Variants in WDR7 observed in about 807,000 individuals in gnomAD.
WDR7 encodes WD repeat-containing protein 7.
In WDR7, 46 loss-of-function variants were observed where a neutral mutation model predicts 169.4. The ratio of observed to expected loss-of-function variants is 0.27; its 90% CI spans 0.21 to 0.35. The LOEUF (loss-of-function observed/expected upper bound fraction) is 0.35, where lower values mean the gene tolerates loss of function less well. Among genes scored for constraint, WDR7 ranks in the 10% least tolerant of loss-of-function variants. WDR7 has a pLI of 1.00. For missense variants in WDR7, 1,534 were observed against 1,859.3 expected, an observed-to-expected ratio of 0.83 and a Z score of 3.22; for synonymous variants, 612 against 666.8, an observed-to-expected ratio of 0.92 and a Z score of 1.27.
At chr18:56,879,393 T>C (rs1230375995) in intron 20 of WDR7, among the ~76,000 whole-genome samples, 6 of 152,228 alleles carry the variant, frequency 3.9e-5, no homozygotes, top group African/African-American at 1.2e-4. Context: ...CATCTTTTCA[T>C]GTGCGTGTTG....
intron 20 of WDR7, chr18:56,873,383 G>A (rs1451773677): frequency 6.6e-6 from 1 of 152,186 alleles, no homozygotes; most frequent in African/African-American, 2.4e-5. Context: ...ATTTACAAAT[G>A]ATTGTTTGAA....
intron 18 of WDR7, among the ~76,000 whole-genome samples, chr18:56,780,641 CA>C (rs146641560): frequency 6.6e-6 from 1 of 150,926 alleles, no homozygotes; most frequent in East Asian, 1.9e-4. Flanking sequence ...ACTAAAAATA[CA>C]AAAAAAAATT....
chr18:56,665,565 G>C (rs1271557426), intron 1 of WDR7, among the ~76,000 whole-genome samples: 1 of 151,986 alleles, frequency 6.6e-6, no homozygotes, highest in Non-Finnish European at 1.5e-5. Flanking sequence ...GTATATTTTG[G>C]TGTTTGTTTT....
At chr18:56,762,827 C>A (rs1201811310) in intron 16 of WDR7, among the ~76,000 whole-genome samples, 2 of 150,900 alleles carry the variant, frequency 1.3e-5, no homozygotes, top group African/African-American at 4.9e-5. Flanking sequence ...TTTTTGTTTG[C>A]CATCCATATG....
intron 26 of WDR7, among the ~76,000 whole-genome samples, chr18:57,015,016 T>C (rs1945135311): frequency 6.6e-6 from 1 of 152,210 alleles, no homozygotes; most frequent in South Asian, 2.1e-4. Context: ...TGTTTTGGAT[T>C]TAGATTTGAT....
intron 20 of WDR7, among the ~76,000 whole-genome samples, chr18:56,841,152 C>CACCGCACT (rs987622881): frequency 1.3e-5 from 2 of 151,968 alleles, no homozygotes; most frequent in Non-Finnish European, 1.5e-5. Context: ...GAGATCGCAC[C>CACCGCACT]ACCGCACTCC....
At chr18:56,894,636 A>G (rs747025027) in intron 21 of WDR7, among the ~76,000 whole-genome samples, 3 of 152,038 alleles carry the variant, frequency 2.0e-5, no homozygotes, top group Non-Finnish European at 4.4e-5. Context: ...AACATCCTAT[A>G]TATAATTTAC....
chr18:56,999,921 G>A (rs1471722348), intron 26 of WDR7, among the ~76,000 whole-genome samples: 3 of 152,058 alleles, frequency 2.0e-5, no homozygotes, highest in Admixed American at 6.5e-5. Flanking sequence ...ACCGCTATGA[G>A]CTTCTCCTGT....
chr18:56,782,344 T>G (rs2044329825), intron 19 of WDR7, among the ~76,000 whole-genome samples: 1 of 152,160 alleles, frequency 6.6e-6, no homozygotes, highest in African/African-American at 2.4e-5. Flanking sequence ...GTTTTATATT[T>G]TTCTAAAAAC....
At chr18:57,026,677 A>G (rs1340190365) in intron 27 of WDR7, among the ~76,000 whole-genome samples, 1 of 152,214 alleles carries the variant, frequency 6.6e-6, no homozygotes, top group African/African-American at 2.4e-5. Context: ...TCAGTTTTAA[A>G]TATCCACAAT....
In WDR7 at chr18:56,682,766, A is replaced by G. The variant is rs746864059; in HGVS notation, c.433A>G (p.Ser145Gly). The G allele has an allele frequency of 1.2e-6, 2 of 1,613,880 alleles. No homozygotes were observed. Among genetic ancestry groups the G allele is most frequent in the Non-Finnish European group, 8.5e-7 (1 of 1,179,800 alleles). ...TGAAATCCTTGTTGTGGATGCTACC[A>G]GCCTTGAAGTATTATACTCCTTAGT... is the stretch of plus-strand genomic sequence containing the variant. ...YPEILVVDAT[S>G]LEVLYSLVSK... Residue 145 changes from serine (S) to glycine (G), a missense_variant, in exon 5 of 28, where the codon AGC becomes GGC. Transcript: ENST00000254442.
intron 26 of WDR7, among the ~76,000 whole-genome samples, chr18:57,013,667 T>C (rs1232800516): frequency 6.6e-6 from 1 of 152,108 alleles, no homozygotes; most frequent in African/African-American, 2.4e-5. Context: ...GGGTGCAAAA[T>C]GAGTACTAAT....
chr18:57,021,648 T>G (rs2048294273), intron 27 of WDR7, among the ~76,000 whole-genome samples: 1 of 152,236 alleles, frequency 6.6e-6, no homozygotes, highest in South Asian at 2.1e-4. Context: ...TGTTTGATCC[T>G]CACTGCTTAA....
At chr18:56,730,485 G>C (rs2026558675) in intron 13 of WDR7, among the ~76,000 whole-genome samples, 1 of 152,192 alleles carries the variant, frequency 6.6e-6, no homozygotes, top group Admixed American at 6.5e-5. Flanking sequence ...AGTAGTTGTA[G>C]GCCGGGCGTG....
intron 25 of WDR7, among the ~76,000 whole-genome samples, chr18:56,951,726 C>A (rs977638875): frequency 3.3e-5 from 5 of 152,020 alleles, no homozygotes; most frequent in African/African-American, 1.2e-4. Flanking sequence ...TATACACATG[C>A]ACATATACAT....
chr18:56,861,515 G>C (rs910659345), intron 20 of WDR7, among the ~76,000 whole-genome samples: 2 of 152,304 alleles, frequency 1.3e-5, no homozygotes. Context: ...TATCACACCA[G>C]GTTAACTCTC....
chr18:56,706,594 T>C (rs766483244), intron 12 of WDR7, among the ~76,000 whole-genome samples: 3 of 152,262 alleles, frequency 2.0e-5, no homozygotes, highest in Non-Finnish European at 4.4e-5. Context: ...TTTTCAGTTA[T>C]CTACATTGTC....
chr18:56,661,078 T>A (rs2024894724), intron 1 of WDR7, among the ~76,000 whole-genome samples: 1 of 152,318 alleles, frequency 6.6e-6, no homozygotes, highest in East Asian at 1.9e-4. Flanking sequence ...AGCTTCAAAT[T>A]TGGGGAAGCA....
chr18:56,739,402 A>C (rs539499550), intron 14 of WDR7, among the ~76,000 whole-genome samples: 2 of 152,128 alleles, frequency 1.3e-5, no homozygotes, highest in South Asian at 4.1e-4. Flanking sequence ...CTACAACTCC[A>C]TTTGCCCCCC....
Sources: allele counts gnomAD v4.1 joint callset (sites outside exome capture counted in the v4.1 genomes callset), GRCh38; gene constraint gnomAD v4.1.1; transcripts MANE v1.5; gene names NCBI Gene and HGNC (gene_info 2026-07-23, HGNC 2026-07-21).